CD99L2: variants seen among roughly 807,000 people sequenced by gnomAD.
The protein encoded by CD99L2 is CD99 antigen-like protein 2.
Under a neutral mutation model 27.3 loss-of-function variants are expected in CD99L2, and 24 were observed. That is an observed-to-expected ratio of 0.88 (90% confidence interval 0.64 to 1.24). The LOEUF (loss-of-function observed/expected upper bound fraction) is 1.24, where lower values mean the gene tolerates loss of function less well. Ranked by LOEUF, CD99L2 falls within the 50% of genes most tolerant of loss-of-function variation. The pLI is 0.00. For synonymous variants in CD99L2, 97 were observed against 87.9 expected (o/e 1.10, Z -0.58); for missense variants, 255 against 221.6 (o/e 1.15, Z -0.96).
Position 150,793,728 on chromosome X carries a change from T to C in CD99L2, c.459A>G (p.Ile153Met). The change falls in exon 7 of 11, where the codon ATA (isoleucine) becomes ATG (methionine). Residue 153 changes from isoleucine to methionine, a missense_variant. By Grantham distance (10) the Ile-to-Met change is conservative. Coordinates refer to ENST00000370377, the MANE Select transcript of CD99L2 (RefSeq NM_031462.4). ...CAGGTTTGTATTCTCCACCCCCTAC[T>C]ATGTCTTCAAGATCCTTGTCTGAAA... ...GGFSDKDLEDIVGGGEYKPDK... is the reference protein window; with the variant it reads ...GGFSDKDLEDMVGGGEYKPDK... 1 of 1,199,048 alleles carries C rather than the reference T, an allele frequency of 8.3e-7. No homozygotes were observed. Among genetic ancestry groups the C allele is most frequent in the East Asian group, 3.0e-5 (1 of 33,091 alleles).
intron 1 of CD99L2, among the ~76,000 whole-genome samples, chrX:150,855,587 T>C (rs1484803695): frequency 9.0e-6 from 1 of 111,505 alleles, no homozygotes; most frequent in Middle Eastern, 4.2e-3. Flanking sequence ...AATCACCTCT[T>C]ACCAGGTCCC....
intron 10 of CD99L2, among the ~76,000 whole-genome samples, 193 bp downstream of exon 10, chrX:150,770,111 G>A (rs2043416192): frequency 8.9e-6 from 1 of 112,922 alleles, no homozygotes; most frequent in African/African-American, 3.2e-5. Context: ...GCAGCAGATG[G>A]CCCTGGCTGT....
intron 2 of CD99L2, among the ~76,000 whole-genome samples, chrX:150,824,263 G>GAA (rs2046302019): frequency 1.7e-5 from 1 of 59,996 alleles, no homozygotes; most frequent in African/African-American, 7.4e-5. Flanking sequence ...GGAGGAAGAA[G>GAA]GAAGGAGGAG....
At chrX:150,881,815 ATTTTTTT>A (rs59133869) in intron 1 of CD99L2, among the ~76,000 whole-genome samples, 1 of 89,400 alleles carries the variant, frequency 1.1e-5, no homozygotes, top group Non-Finnish European at 2.2e-5. Flanking sequence ...ACTCTTTCCA[ATTTTTTT>A]TTTTTTTTTT....
rs374586067 is a variant in CD99L2 at position 150,783,152 on chromosome X, G to C, written c.497-5670C>G. ...CACACCGGGGCCTGTCGGGGGGTAG[G>C]GGGGTAGGGGGCTTGGGGAGGGATA... On this transcript the variant is annotated intron_variant, in intron 7 of 10. Coordinates refer to ENST00000370377, the MANE Select transcript of CD99L2 (RefSeq NM_031462.4). 4.9e-5 allele frequency among the ~76,000 whole-genome samples: 5 copies of C among 101,684 alleles called. No individual in the cohort carries two copies. In the East Asian group the frequency reaches 1.3e-3, roughly 26 times the overall value. 88.3% of individuals were successfully genotyped at this position (101,684 alleles called of 115,157 possible).
chrX:150,801,043 C>CA (rs1171567524), intron 4 of CD99L2, among the ~76,000 whole-genome samples: 1 of 107,609 alleles, frequency 9.3e-6, no homozygotes, highest in Non-Finnish European at 1.9e-5. Flanking sequence ...AAAAAAAAAA[C>CA]AAAAAAACCC....
chrX:150,863,121 T>C (rs1454582185), intron 1 of CD99L2, among the ~76,000 whole-genome samples: 1 of 112,268 alleles, frequency 8.9e-6, no homozygotes, highest in Admixed American at 9.5e-5. Flanking sequence ...CACCTTAGTA[T>C]GTTATTATGC....
At chrX:150,809,951 C>T (rs1253952810) in intron 4 of CD99L2, among the ~76,000 whole-genome samples, 1 of 111,709 alleles carries the variant, frequency 9.0e-6, no homozygotes, top group African/African-American at 3.3e-5. Flanking sequence ...AAAACAGAGA[C>T]TCAAAATATA....
chrX:150,793,628 T>C, intron 7 of CD99L2, 63 bp downstream of exon 7: 1 of 961,503 alleles, frequency 1.0e-6, no homozygotes, highest in South Asian at 2.5e-5. Context: ...ATTAATCTGG[T>C]TGCTGCATAA....
intron 4 of CD99L2, among the ~76,000 whole-genome samples, chrX:150,799,326 T>C (rs1362636818): frequency 7.1e-5 from 7 of 98,006 alleles, no homozygotes; most frequent in African/African-American, 2.4e-4. Flanking sequence ...GGTGAAACCC[T>C]GTCTCTACCA....
intron 7 of CD99L2, among the ~76,000 whole-genome samples, chrX:150,791,497 A>G (rs1375030239): frequency 1.8e-5 from 2 of 111,508 alleles, no homozygotes; most frequent in African/African-American, 6.5e-5. Context: ...GTTAAGGAGA[A>G]GGTGATCATC....
chrX:150,851,304 C>A (rs1557421591), intron 1 of CD99L2, among the ~76,000 whole-genome samples: 1 of 112,108 alleles, frequency 8.9e-6, no homozygotes, highest in South Asian at 3.7e-4. Flanking sequence ...TAATATAGGA[C>A]AACATCCACT....
intron 7 of CD99L2, among the ~76,000 whole-genome samples, chrX:150,786,863 A>G (rs2045602249): frequency 8.9e-6 from 1 of 112,133 alleles, no homozygotes; most frequent in Non-Finnish European, 1.9e-5. Flanking sequence ...CTTTCTCCAC[A>G]ACCTCGTCAG....
rs192882093 is a variant in CD99L2, at chrX:150,873,310, C to G, written c.67+25212G>C. Among the ~76,000 whole-genome samples, 186 of 112,049 alleles carry G rather than the reference C, an allele frequency of 1.7e-3. 1 individual carries two copies. The highest frequency in any genetic ancestry group is 2.8e-3 in the Non-Finnish European group (147 of 53,212). On this transcript the variant is annotated intron_variant, in intron 1 of 10. Coordinates refer to ENST00000370377, the MANE Select transcript of CD99L2 (RefSeq NM_031462.4). ...GATGCTAAGTGAAACGAGTCAGTTG[C>G]AAAAAGCCACATACGGTATGAGTCC...
intron 1 of CD99L2, among the ~76,000 whole-genome samples, chrX:150,846,930 G>A (rs1329174887): frequency 8.9e-6 from 1 of 112,543 alleles, no homozygotes; most frequent in Non-Finnish European, 1.9e-5. Flanking sequence ...AGTCAGGTAA[G>A]AATCTATGTC....
intron 1 of CD99L2, among the ~76,000 whole-genome samples, chrX:150,888,332 T>C (rs192643378): frequency 1.8e-4 from 20 of 112,030 alleles, no homozygotes; most frequent in African/African-American, 5.2e-4. Flanking sequence ...ACCCGTACAA[T>C]AGAATACTAT....
chrX:150,784,465 C>T (rs73638267), intron 7 of CD99L2, among the ~76,000 whole-genome samples: 7,365 of 111,441 alleles, frequency 0.066, 197 homozygotes, highest in South Asian at 0.13. Context: ...TCCCTTCTCA[C>T]AAAAATCATC....
At chrX:150,820,035 C>A (rs782514464) in intron 2 of CD99L2, among the ~76,000 whole-genome samples, 4 of 111,110 alleles carry the variant, frequency 3.6e-5, no homozygotes, top group African/African-American at 1.3e-4. Flanking sequence ...ATGTTAATAC[C>A]GAAGTCAGAC....
At chrX:150,834,259 C>T (rs1340293970) in intron 1 of CD99L2, among the ~76,000 whole-genome samples, 2 of 111,666 alleles carry the variant, frequency 1.8e-5, no homozygotes, top group Non-Finnish European at 3.8e-5. Flanking sequence ...TTTGGGAGGC[C>T]AAGGCAGGCA....
Sources: gnomAD v4.1 joint callset for allele counts (sites outside exome capture counted in the v4.1 genomes callset) on GRCh38, gnomAD v4.1.1 for gene constraint, MANE v1.5 for transcripts, NCBI Gene and HGNC (gene_info 2026-07-23, HGNC 2026-07-21) for gene names.